RAD54B: variants seen among roughly 807,000 people sequenced by gnomAD.
The protein encoded by RAD54B is DNA repair and recombination protein RAD54B.
Under a neutral mutation model 95.8 loss-of-function variants are expected in RAD54B, and 78 were observed. The ratio of observed to expected loss-of-function variants is 0.81; its 90% CI spans 0.68 to 0.98. RAD54B has a LOEUF of 0.98. Among genes scored for constraint, RAD54B ranks in the 50% least tolerant of loss-of-function variants. The pLI, the probability that RAD54B is intolerant of heterozygous loss-of-function variation, is 0.00. For missense variants in RAD54B, 957 were observed against 1,056.6 expected (o/e 0.91, Z 1.31); for synonymous variants, 328 against 354.9 (o/e 0.92, Z 0.85).
chr8:94,372,979 G>A (rs867542093), intron 14 of RAD54B: 1 of 152,236 alleles, frequency 6.6e-6, no homozygotes, highest in South Asian at 2.1e-4. Flanking sequence ...CAGAGGTAAG[G>A]GTATGAAGGA....
chr8:94,446,933 TG>T (rs1812536521), intron 3 of RAD54B, among the ~76,000 whole-genome samples: 1 of 151,634 alleles, frequency 6.6e-6, no homozygotes, highest in Admixed American at 6.6e-5. Context: ...CATAAGATTA[TG>T]TTTGATATAA....
chr8:94,473,686 A>C (rs1292639782), intron 1 of RAD54B, among the ~76,000 whole-genome samples: 1 of 152,238 alleles, frequency 6.6e-6, no homozygotes, highest in Non-Finnish European at 1.5e-5. Context: ...TGGGCTTTAA[A>C]GAGAGGTATG....
chr8:94,376,332 C>A (rs556131524), intron 14 of RAD54B, among the ~76,000 whole-genome samples: 1 of 152,018 alleles, frequency 6.6e-6, no homozygotes, highest in African/African-American at 2.4e-5. Flanking sequence ...AATGAAAAAA[C>A]AAAATATTTA....
chr8:94,416,527 A>G (rs1313603406), intron 3 of RAD54B, among the ~76,000 whole-genome samples: 1 of 151,562 alleles, frequency 6.6e-6, no homozygotes, highest in Non-Finnish European at 1.5e-5. Flanking sequence ...AATAATAAAA[A>G]AAAAGAAAAA....
chr8:94,422,775 T>TATAA (rs1480138158), intron 3 of RAD54B, among the ~76,000 whole-genome samples: 1 of 143,034 alleles, frequency 7.0e-6, no homozygotes, highest in African/African-American at 2.6e-5. Context: ...TATATATATA[T>TATAA]AATTGTTAGG....
intron 14 of RAD54B, among the ~76,000 whole-genome samples, chr8:94,373,397 A>T (rs1810488210): frequency 2.1e-5 from 1 of 48,256 alleles, no homozygotes; most frequent in African/African-American, 4.2e-5. Context: ...AGATATTGCC[A>T]CTGAGTCTGG....
rs763055861 is a variant in RAD54B, at chr8:94,432,685, T to C, written c.305-21370A>G. 6.1e-5 allele frequency: 87 copies of C among 1,431,760 alleles called. 1 individual carries two copies. The East Asian group carries it at 1.8e-3, about 29-fold the overall frequency. The allele number at this position is 1,431,760 out of a possible 1,614,324, so 88.7% of individuals were successfully genotyped here. A position where few individuals can be genotyped will look rare whatever the true frequency, so the allele number is the denominator to read the frequency against. ...TAGCACACAAAAAAGCATTATAATA[T>C]GTAAATCAAATGAAGAAAAAGTGTA... On this transcript the variant is annotated intron_variant, in intron 3 of 14. Transcript: ENST00000336148.
chr8:94,452,877 CTG>C (rs1252756059), intron 3 of RAD54B, among the ~76,000 whole-genome samples: 2 of 152,146 alleles, frequency 1.3e-5, no homozygotes, highest in African/African-American at 2.4e-5. Context: ...CAAAATAACA[CTG>C]TTTAACTTAG....
chr8:94,464,203 G>A (rs549221733), intron 2 of RAD54B, among the ~76,000 whole-genome samples: 3 of 152,134 alleles, frequency 2.0e-5, no homozygotes, highest in Non-Finnish European at 4.4e-5. Context: ...ACCTTGAAAC[G>A]GAGAGATGAT....
intron 1 of RAD54B, among the ~76,000 whole-genome samples, chr8:94,470,730 C>A (rs1813149911): frequency 6.6e-6 from 1 of 151,820 alleles, no homozygotes; most frequent in Non-Finnish European, 1.5e-5. Context: ...TGCACTCCAG[C>A]CTGGGTGACA....
rs1391557620 is a variant in RAD54B, at chr8:94,391,714, G to A, written c.1704C>T (p.Val568=). ...LYRKLLNSQV[V]RFCLQGLLEN... The stretch of plus-strand genomic sequence containing the variant: ...CCAACAACCCTTGAAGGCAGAACCT[G>A]ACAACCTGAGAATTTAACAGCTTTC... The change falls in exon 10 of 15, where the codon GTC becomes GTT. Residue 568 remains valine (V), a synonymous_variant. Transcript: ENST00000336148. 1.2e-6 allele frequency: 2 copies of A among 1,613,846 alleles called. No individual in the cohort carries two copies. The highest frequency in any genetic ancestry group is 2.7e-5 in the African/African-American group (2 of 74,844).
intron 1 of RAD54B, among the ~76,000 whole-genome samples, chr8:94,471,537 A>G (rs1394000095): frequency 6.6e-6 from 1 of 152,158 alleles, no homozygotes; most frequent in Non-Finnish European, 1.5e-5. Context: ...AAAACATCAA[A>G]ATGTACACAT....
rs765254556 is a variant in RAD54B, at chr8:94,391,734, G to T, written c.1684C>A (p.Leu562Met). 1.2e-6 allele frequency: 2 copies of T among 1,613,974 alleles called. No individual in the cohort carries two copies. The highest frequency in any genetic ancestry group is 3.3e-5 in the Admixed American group (2 of 60,000). ...AACCTGACAACCTGAGAATTTAACA[G>T]CTTTCGATAAAGCTCAATCTGTAGT... ...GALQIELYRK[L>M]LNSQVVRFCL... The change falls in exon 10 of 15, where the codon CTG (leucine) becomes ATG (methionine). Residue 562 changes from leucine (L) to methionine (M), a missense_variant. Physicochemically the swap from Leu to Met is conservative, Grantham distance 15. Coordinates refer to ENST00000336148, the MANE Select transcript of RAD54B (RefSeq NM_012415.3).
At chr8:94,454,781 C>A (rs952876400) in intron 3 of RAD54B, among the ~76,000 whole-genome samples, 2 of 152,134 alleles carry the variant, frequency 1.3e-5, no homozygotes, top group Non-Finnish European at 2.9e-5. Context: ...AGATCTAGCA[C>A]GAGCGTATAC....
At chr8:94,381,588 A>C (rs746621731) in intron 11 of RAD54B, among the ~76,000 whole-genome samples, 2 of 152,240 alleles carry the variant, frequency 1.3e-5, no homozygotes, top group Non-Finnish European at 2.9e-5. Context: ...TCAATGGAAG[A>C]GGATGCAATT....
intron 3 of RAD54B, among the ~76,000 whole-genome samples, chr8:94,427,029 A>G (rs1349391287): frequency 1.3e-5 from 2 of 152,156 alleles, no homozygotes; most frequent in African/African-American, 4.8e-5. Flanking sequence ...TGCAGAATCT[A>G]TGTGGTAGAT....
At chr8:94,429,613 A>G in intron 3 of RAD54B, 1 of 983,172 alleles carries the variant, frequency 1.0e-6, no homozygotes, top group Non-Finnish European at 1.2e-6. Flanking sequence ...AGATGTGTTT[A>G]CTAGAATTAT....
chr8:94,372,270 GA>G lies in RAD54B; in HGVS notation c.2632del (p.Ser878LeufsTer5). Reference protein sequence around the residue: ...MSQLKQWKHFSGDHLNLTDPF... With the variant: ...MSQLKQWKHFXGDHLNLTDPF... ...ATCTGTAAGATTTAAATGATCTCCA[GA>G]AAAATGTTTCCATTGCTTCAGCTGG... On this transcript the variant is annotated frameshift_variant, in exon 15 of 15. Coordinates refer to ENST00000336148, the MANE Select transcript of RAD54B (RefSeq NM_012415.3). LOFTEE classifies it high-confidence loss of function. 6.2e-7 allele frequency: 1 copy of G among 1,613,224 alleles called. No homozygotes were observed. Among genetic ancestry groups the G allele is most frequent in the Non-Finnish European group, 8.5e-7 (1 of 1,179,774 alleles).
intron 3 of RAD54B, chr8:94,429,952 A>C: frequency 1.0e-6 from 1 of 985,338 alleles, no homozygotes; most frequent in Non-Finnish European, 1.2e-6. Context: ...TCACAACTAT[A>C]ATCAAATTAG....
Sources: gnomAD v4.1 joint callset for allele counts (sites outside exome capture counted in the v4.1 genomes callset) on GRCh38, gnomAD v4.1.1 for gene constraint, MANE v1.5 for transcripts, NCBI Gene and HGNC (gene_info 2026-07-23, HGNC 2026-07-21) for gene names.